NEXN: variants seen among roughly 807,000 people sequenced by gnomAD.
The protein encoded by NEXN is nexilin F-actin binding protein, also known as nexilin.
A neutral mutation model predicts 92.6 loss-of-function variants in NEXN; 65 were observed. The ratio of observed to expected loss-of-function variants is 0.70; its 90% CI spans 0.57 to 0.86. The LOEUF (loss-of-function observed/expected upper bound fraction) is 0.86, where lower values mean the gene tolerates loss of function less well. NEXN is among the 40% of genes least tolerant of loss of function. The pLI, the probability that NEXN is intolerant of heterozygous loss-of-function variation, is 0.00. For missense variants in NEXN, 778 were observed against 771.1 expected, an observed-to-expected ratio of 1.01 and a Z score of -0.11; for synonymous variants, 254 against 242.5, an observed-to-expected ratio of 1.05 and a Z score of -0.44.
intron 1 of NEXN, among the ~76,000 whole-genome samples, chr1:77,898,806 A>C (rs904327276): frequency 3.9e-5 from 6 of 152,164 alleles, no homozygotes; most frequent in African/African-American, 1.4e-4. Context: ...AACTCAAACA[A>C]ATTTACAAGA....
At chr1:77,931,270 C>T (rs1244962477) in intron 9 of NEXN, among the ~76,000 whole-genome samples, 1 of 146,178 alleles carries the variant, frequency 6.8e-6, no homozygotes, top group South Asian at 2.2e-4. Context: ...AAAAATTAGC[C>T]GGGCGTGTTG....
At chr1:77,925,262 C>T (rs1230967271) in intron 6 of NEXN, 33 bp downstream of exon 6, 3 of 1,477,076 alleles carry the variant, frequency 2.0e-6, no homozygotes, top group African/African-American at 1.4e-5. Context: ...GAAACATTCA[C>T]CTAAAATTAT....
intron 5 of NEXN, among the ~76,000 whole-genome samples, chr1:77,920,384 T>C (rs569088122): frequency 6.6e-6 from 1 of 152,102 alleles, no homozygotes. Context: ...AAGAATGCCA[T>C]AAAGGATTCC....
At chr1:77,933,598 G>T in intron 10 of NEXN, 119 bp downstream of exon 10, 4 of 819,526 alleles carry the variant, frequency 4.9e-6, no homozygotes, top group Middle Eastern at 3.5e-4. Context: ...ATAGTATTAT[G>T]AGGTGCTTAC....
At position 77,901,068 on chromosome 1, in the gene NEXN, C is replaced by T. The variant is rs192085693; in HGVS notation, c.-53+12309C>T. Among the ~76,000 whole-genome samples the T allele has an allele frequency of 1.5e-4, 23 of 152,314 alleles. No individual in the cohort carries two copies. In the East Asian group the frequency reaches 4.4e-3, roughly 29 times the overall value. ...CTAAAATACATTTCTAGAATGAGAA[C>T]TTGATATGACTCAATTAGGATGTTT... On this transcript the variant is annotated intron_variant, in intron 1 of 12. Transcript: ENST00000334785.
intron 11 of NEXN, among the ~76,000 whole-genome samples, chr1:77,940,573 A>T (rs993455395): frequency 1.3e-5 from 2 of 152,228 alleles, no homozygotes; most frequent in Non-Finnish European, 2.9e-5. Context: ...TTGCATAAAC[A>T]GGCTAAAATC....
intron 11 of NEXN, among the ~76,000 whole-genome samples, chr1:77,941,417 C>T (rs969696107): frequency 3.3e-5 from 5 of 152,218 alleles, no homozygotes; most frequent in African/African-American, 7.2e-5. Flanking sequence ...ATTAGCATTT[C>T]GCCCTTCCAA....
At chr1:77,906,658 T>G (rs1050340335) in intron 1 of NEXN, among the ~76,000 whole-genome samples, 30 of 152,136 alleles carry the variant, frequency 2.0e-4, no homozygotes, top group African/African-American at 6.8e-4. Context: ...TTTTTGTTTG[T>G]TTGGTTTCTG....
chr1:77,942,520 T>C lies in NEXN; in HGVS notation c.1719T>C (p.Asp573=), dbSNP rs975965758. ...GSIMNGSTAE[D]EEQTRSGAPW... ...TCATGAATGGCTCCACTGCTGAAGA[T>C]GAAGAGCAAACCAGATCAGGAGCTC... Residue 573 remains aspartate (D), a synonymous_variant, in exon 13 of 13, where the codon GAT becomes GAC. Coordinates refer to ENST00000334785, the MANE Select transcript of NEXN (RefSeq NM_144573.4). 2 of 1,613,792 alleles carry C rather than the reference T, an allele frequency of 1.2e-6. No homozygotes were observed. The highest frequency in any genetic ancestry group is 2.7e-5 in the African/African-American group (2 of 74,912).
chr1:77,898,679 A>G (rs1647430397), intron 1 of NEXN, among the ~76,000 whole-genome samples: 1 of 152,244 alleles, frequency 6.6e-6, no homozygotes, highest in Non-Finnish European at 1.5e-5. Flanking sequence ...ATTAAACTAA[A>G]GAGCTTCTGC....
chr1:77,918,070 A>T (rs1557974516), intron 4 of NEXN, 32 bp downstream of exon 4: 1 of 1,612,792 alleles, frequency 6.2e-7, no homozygotes, highest in Admixed American at 1.7e-5. Context: ...TAGTAAATTA[A>T]ATTGCAAAAT....
intron 1 of NEXN, among the ~76,000 whole-genome samples, chr1:77,899,697 CA>C (rs1162079112): frequency 6.6e-6 from 1 of 151,600 alleles, no homozygotes; most frequent in African/African-American, 2.4e-5. Context: ...AAAAAACAAA[CA>C]AAAAAATTTA....
intron 11 of NEXN, among the ~76,000 whole-genome samples, chr1:77,940,022 C>A (rs952309970): frequency 6.6e-6 from 1 of 152,062 alleles, no homozygotes; most frequent in Non-Finnish European, 1.5e-5. Flanking sequence ...TGCAGTGAGC[C>A]GAGATCACGC....
chr1:77,914,856 T>C (rs1432514171), intron 1 of NEXN, among the ~76,000 whole-genome samples: 1 of 134,052 alleles, frequency 7.5e-6, no homozygotes, highest in African/African-American at 2.9e-5. Context: ...AAACTACGTC[T>C]CAAAAAAAAA....
chr1:77,931,194 T>C (rs1650258609), intron 9 of NEXN, among the ~76,000 whole-genome samples: 1 of 141,336 alleles, frequency 7.1e-6, no homozygotes, highest in African/African-American at 2.8e-5. Context: ...GAGACCATCC[T>C]GGCTAACATG....
At chr1:77,928,794 A>T (rs905843918) in intron 8 of NEXN, among the ~76,000 whole-genome samples, 1 of 152,150 alleles carries the variant, frequency 6.6e-6, no homozygotes, top group African/African-American at 2.4e-5. Context: ...TTGTTCTGGG[A>T]AAGTTAATAC....
At chr1:77,921,353 C>G (rs765417593) in intron 5 of NEXN, among the ~76,000 whole-genome samples, 2 of 152,320 alleles carry the variant, frequency 1.3e-5, no homozygotes, top group East Asian at 3.9e-4. Context: ...AAGGTTGTAG[C>G]AGCAGCAATA....
chr1:77,907,842 CAAA>C (rs953358345), intron 1 of NEXN, among the ~76,000 whole-genome samples: 1 of 151,988 alleles, frequency 6.6e-6, no homozygotes, highest in African/African-American at 2.4e-5. Context: ...CACACACACA[CAAA>C]AAAAGCCTTT....
At chr1:77,907,053 A>G (rs1290413801) in intron 1 of NEXN, among the ~76,000 whole-genome samples, 1 of 152,242 alleles carries the variant, frequency 6.6e-6, no homozygotes, top group Admixed American at 6.5e-5. Context: ...TACCAGGCAC[A>G]CGGTAAAGAC....
Sources: gnomAD v4.1 joint callset for allele counts (sites outside exome capture counted in the v4.1 genomes callset) on GRCh38, gnomAD v4.1.1 for gene constraint, MANE v1.5 for transcripts, NCBI Gene and HGNC (gene_info 2026-07-23, HGNC 2026-07-21) for gene names.